ZCCHC7: variants seen among roughly 807,000 people sequenced by gnomAD.
ZCCHC7 encodes the protein zinc finger CCHC-type containing 7.
In ZCCHC7, 35 loss-of-function variants were observed where a neutral mutation model predicts 52.0. The ratio of observed to expected loss-of-function variants is 0.67; its 90% confidence interval spans 0.51 to 0.89. The LOEUF (loss-of-function observed/expected upper bound fraction) is 0.89, where lower values mean the gene tolerates loss of function less well. Ranked by LOEUF, ZCCHC7 falls within the 40% of genes least tolerant of loss-of-function variation. ZCCHC7 has a pLI of 0.00. For synonymous variants in ZCCHC7, 217 were observed against 221.5 expected (o/e 0.98, Z 0.18); for missense variants, 574 against 649.1 (o/e 0.88, Z 1.26).
rs7027977 is a variant in ZCCHC7 at position 37,187,002 on chromosome 9, A to G, written c.610+60060A>G. On this transcript the variant is annotated intron_variant, in intron 2 of 8. Transcript: ENST00000336755. ...TAAGTAAAAACAATGGATTGATGAAACTTCTTCACTGCTTTTTTCTTTGTG... is the reference window on the plus strand; with the variant it reads ...TAAGTAAAAACAATGGATTGATGAAGCTTCTTCACTGCTTTTTTCTTTGTG... 869 of 234,382 alleles carry G rather than the reference A, an allele frequency of 3.7e-3. 6 individuals are homozygous for G. The highest frequency in any genetic ancestry group is 0.014 in the African/African-American group (627 of 45,078). The allele number at this position is 234,382 out of a possible 1,614,324, so 14.5% of individuals were successfully genotyped here.
rs566760402 is a variant in ZCCHC7 at position 37,152,057 on chromosome 9, A to G, written c.610+25115A>G. 2.9e-4 allele frequency among the ~76,000 whole-genome samples: 44 copies of G among 152,282 alleles called. 1 individual carries two copies. In the South Asian group the frequency reaches 8.1e-3, roughly 28 times the overall value. ...CTGATCTGGCAACCTGGGCTTCAGT[A>G]AGGGCAGACTAACAGTAATGGTAGT... On this transcript the variant is annotated intron_variant, in intron 2 of 8. Coordinates refer to ENST00000336755, the MANE Select transcript of ZCCHC7 (RefSeq NM_032226.3).
chr9:37,224,225 A>G (rs1824978169), intron 2 of ZCCHC7, among the ~76,000 whole-genome samples: 1 of 152,182 alleles, frequency 6.6e-6, no homozygotes, highest in African/African-American at 2.4e-5. Flanking sequence ...TTTTTAATAC[A>G]GAGATCAATG....
chr9:37,122,269 TTCAG>T (rs1842348739), intron 1 of ZCCHC7, among the ~76,000 whole-genome samples: 1 of 152,260 alleles, frequency 6.6e-6, no homozygotes, highest in Non-Finnish European at 1.5e-5. Flanking sequence ...TTTAAAACAA[TTCAG>T]TCAATGAATA....
chr9:37,308,354 T>C (rs1829429737), intron 5 of ZCCHC7, among the ~76,000 whole-genome samples: 1 of 151,932 alleles, frequency 6.6e-6, no homozygotes, highest in Admixed American at 6.6e-5. Context: ...GTTTTTTTTT[T>C]ACTGTTTTCT....
Position 37,187,318 on chromosome 9 carries a change from C to T in ZCCHC7, c.610+60376C>T, listed in dbSNP as rs558756679. Among the ~76,000 whole-genome samples the T allele has an allele frequency of 2.0e-5, 3 of 152,334 alleles. No homozygotes were observed. In the South Asian group the frequency reaches 6.2e-4, roughly 32 times the overall value. On this transcript the variant is annotated intron_variant, in intron 2 of 8. Coordinates refer to ENST00000336755, the MANE Select transcript of ZCCHC7 (RefSeq NM_032226.3). ...GAGATGAAACTGTTCCACCTCAGAT[C>T]ATCAGACATTAGATTATCATAAGGA...
intron 2 of ZCCHC7, among the ~76,000 whole-genome samples, chr9:37,278,098 G>T (rs1022293066): frequency 1.4e-5 from 2 of 145,992 alleles, no homozygotes; most frequent in Admixed American, 7.0e-5. Flanking sequence ...ACCCAGGCTG[G>T]AGTGCAGTGA....
At chr9:37,263,051 T>C (rs1267361569) in intron 2 of ZCCHC7, among the ~76,000 whole-genome samples, 1 of 152,216 alleles carries the variant, frequency 6.6e-6, no homozygotes, top group African/African-American at 2.4e-5. Context: ...TCAGATTTTC[T>C]CTACTGTTAA....
At chr9:37,120,443 C>T (rs769280035), upstream of ZCCHC7, 7 of 396,902 alleles carry the variant, frequency 1.8e-5, no homozygotes, top group African/African-American at 6.2e-5. Context: ...CGCATGCGCA[C>T]ATCAGGCGCG....
At chr9:37,169,268 A>G (rs1821598894) in intron 2 of ZCCHC7, among the ~76,000 whole-genome samples, 1 of 152,208 alleles carries the variant, frequency 6.6e-6, no homozygotes, top group Admixed American at 6.5e-5. Flanking sequence ...CAAGGGAAGC[A>G]TTCCATTGAT....
intron 2 of ZCCHC7, among the ~76,000 whole-genome samples, chr9:37,214,393 A>G (rs1824397020): frequency 6.6e-6 from 1 of 152,224 alleles, no homozygotes; most frequent in East Asian, 1.9e-4. Context: ...GAAGCTGTGC[A>G]TTGAAGCTAT....
At chr9:37,201,658 C>T (rs1415955071) in intron 2 of ZCCHC7, among the ~76,000 whole-genome samples, 1 of 152,154 alleles carries the variant, frequency 6.6e-6, no homozygotes, top group Non-Finnish European at 1.5e-5. Context: ...GTTTAAATAG[C>T]AGGGCCCAAT....
intron 2 of ZCCHC7, among the ~76,000 whole-genome samples, chr9:37,165,263 T>C (rs540446791): frequency 2.6e-5 from 4 of 152,294 alleles, no homozygotes; most frequent in Admixed American, 6.5e-5. Flanking sequence ...GTGGAACTTA[T>C]CACCTGGGAA....
intron 2 of ZCCHC7, chr9:37,186,673 A>C (rs1822675160): frequency 1.7e-6 from 1 of 582,222 alleles, no homozygotes; most frequent in Non-Finnish European, 3.2e-6. Flanking sequence ...TTATACTCTT[A>C]GAATATTTAC....
intron 2 of ZCCHC7, among the ~76,000 whole-genome samples, chr9:37,190,298 GC>G (rs1412648051): frequency 1.2e-4 from 18 of 151,148 alleles, no homozygotes; most frequent in Admixed American, 7.9e-4. Flanking sequence ...TAAAAAAAAT[GC>G]CTAGGGAATT....
chr9:37,165,372 G>A (rs1280602455), intron 2 of ZCCHC7, among the ~76,000 whole-genome samples: 1 of 151,996 alleles, frequency 6.6e-6, no homozygotes, highest in Non-Finnish European at 1.5e-5. Context: ...TAGGGCGAGA[G>A]TGAACATCCT....
intron 2 of ZCCHC7, among the ~76,000 whole-genome samples, chr9:37,191,454 T>A (rs1823018306): frequency 6.6e-6 from 1 of 152,166 alleles, no homozygotes; most frequent in South Asian, 2.1e-4. Context: ...CTGTATTTCT[T>A]TATTTTAGAT....
intron 2 of ZCCHC7, among the ~76,000 whole-genome samples, chr9:37,193,360 A>C (rs558579739): frequency 4.6e-5 from 7 of 152,270 alleles, no homozygotes; most frequent in African/African-American, 1.7e-4. Flanking sequence ...ATTGGAATAA[A>C]ATTACTTTTA....
At chr9:37,338,719 AGTATCTGG>A (rs2118441108) in intron 6 of ZCCHC7, among the ~76,000 whole-genome samples, 1 of 152,174 alleles carries the variant, frequency 6.6e-6, no homozygotes, top group South Asian at 2.1e-4. Context: ...TATTTTTACC[AGTATCTGG>A]GTACCTTTCC....
At chr9:37,221,140 C>G (rs748502229) in intron 2 of ZCCHC7, among the ~76,000 whole-genome samples, 4 of 152,162 alleles carry the variant, frequency 2.6e-5, no homozygotes, top group Non-Finnish European at 4.4e-5. Context: ...CCCTGAGGAA[C>G]AGTTTGAAGA....
Sources: allele counts gnomAD v4.1 joint callset (sites outside exome capture counted in the v4.1 genomes callset), GRCh38; gene constraint gnomAD v4.1.1; transcripts MANE v1.5; gene names NCBI Gene and HGNC (gene_info 2026-07-23, HGNC 2026-07-21).